ACTR8: variants seen among roughly 807,000 people sequenced by gnomAD.
ACTR8 encodes the protein actin related protein 8, also known as actin-related protein 8.
ACTR8 carries 70 observed loss-of-function variants against 84.3 expected under a neutral mutation model. The observed-to-expected ratio is 0.83, with a 90% CI of 0.68 to 1.01. The LOEUF (loss-of-function observed/expected upper bound fraction) is 1.01. Among genes scored for constraint, ACTR8 ranks in the 50% least tolerant of loss-of-function variants. The probability of loss-of-function intolerance (pLI) is 0.00; values close to 1 mark genes in which losing one functional copy is unlikely to be tolerated. For synonymous variants in ACTR8, 268 were observed against 275.2 expected (o/e 0.97, Z 0.26); for missense variants, 672 against 775.4 (o/e 0.87, Z 1.58).
At position 53,880,056 on chromosome 3, in the gene ACTR8, C is replaced by A. The variant is rs1455479362; in HGVS notation, c.177G>T (p.Arg59Ser). 6.2e-7 allele frequency: 1 copy of A among 1,613,932 alleles called. No individual in the cohort carries two copies. The highest frequency in any genetic ancestry group is 8.5e-7 in the Non-Finnish European group (1 of 1,179,978). The change falls in exon 2 of 13, where the codon AGG becomes AGT. Residue 59 changes from arginine (R) to serine (S), a missense_variant. Arg to Ser is a moderately radical substitution (Grantham distance 110). Transcript: ENST00000335754. The part of the protein sequence containing the change: ...IVIHPGSTTL[R>S]IGRATDTLPA... Reference sequence around the variant, plus strand: ...GAAGAGTGTCTGTGGCTCGACCAATCCTTAAAGTTGTTGAACCTGGATGTA... The same window carrying A: ...GAAGAGTGTCTGTGGCTCGACCAATACTTAAAGTTGTTGAACCTGGATGTA...
At chr3:53,860,536 G>T in the ACTR8 span, 1 of 229,184 alleles carries the variant, frequency 4.4e-6, no homozygotes, top group Non-Finnish European at 8.6e-6. Flanking sequence ...TACCTGTGAT[G>T]GTTACTCTAT....
At position 53,876,085 on chromosome 3, in the gene ACTR8, G is replaced by GA. The variant is rs758047106; in HGVS notation, c.779-6_779-5insT. 1.5e-5 allele frequency: 24 copies of GA among 1,582,598 alleles called. No homozygotes were observed. The highest frequency in any genetic ancestry group is 4.8e-5 in the East Asian group (2 of 42,100). On this transcript the variant is annotated splice_region_variant and splice_polypyrimidine_tract_variant and intron_variant, in intron 6 of 12. Transcript: ENST00000335754. ...ACTCCTGATGGACCACAATCCCTGG[G>GA]GGGGGAAAAGAAAAGGCAGAGTAGT...
chr3:53,863,652 G>T (rs184545753), downstream of ACTR8, among the ~76,000 whole-genome samples: 1 of 152,130 alleles, frequency 6.6e-6, no homozygotes, highest in Admixed American at 6.5e-5. Context: ...GCTGAAAAGG[G>T]GTGCCACTTA....
At chr3:53,859,648 A>T in the ACTR8 span, 1 of 153,166 alleles carries the variant, frequency 6.5e-6, no homozygotes. Context: ...AACCAAAAAA[A>T]CTGGACAGAA....
rs746352779 is a variant in ACTR8 at position 53,870,166 on chromosome 3, C to G, written c.1568-21G>C. 1 of 1,604,824 alleles carries G rather than the reference C, an allele frequency of 6.2e-7. No homozygotes were observed. On this transcript the variant is annotated intron_variant, in intron 11 of 12. Transcript: ENST00000335754. The surrounding 1 kb of genome is among the most constrained non-coding windows in gnomAD (Gnocchi z 4.1). ...AGATGCTGAAAAGACAGTTGACATC[C>G]TCCATGCTTTTTTCTCCACATCCAT... is the stretch of plus-strand genomic sequence containing the variant.
At chr3:53,872,586 C>T (rs1288760842) in intron 9 of ACTR8, 62 bp from the exon 10 acceptor site, 1 of 1,490,746 alleles carries the variant, frequency 6.7e-7, no homozygotes, top group Non-Finnish European at 8.9e-7. Flanking sequence ...AACTGATCCA[C>T]TAAATTCTGT....
At position 53,868,396 on chromosome 3, in the gene ACTR8, ACT is replaced by A. The variant is rs1699828172; in HGVS notation, c.*321_*322del. The A allele has an allele frequency of 4.2e-6, 1 of 237,390 alleles. No individual in the cohort carries two copies. The highest frequency in any genetic ancestry group is 2.3e-5 in the African/African-American group (1 of 44,068). The allele number at this position is 237,390 out of a possible 1,614,324, so 14.7% of individuals were successfully genotyped here. A position where few individuals can be genotyped will look rare whatever the true frequency, so the allele number is the denominator to read the frequency against. ...CTGCCTGCTGATGAGATTCAAGCCA[ACT>A]TAAATGAAGGGCTTCACCACATGAG... On this transcript the variant is annotated 3_prime_UTR_variant, in exon 13 of 13. Coordinates refer to ENST00000335754, the MANE Select transcript of ACTR8 (RefSeq NM_022899.5).
intron 5 of ACTR8, 95 bp downstream of exon 5, chr3:53,877,119 A>T: frequency 8.1e-7 from 1 of 1,241,868 alleles, no homozygotes; most frequent in Non-Finnish European, 1.1e-6. Context: ...AGAATGTTTC[A>T]AGAAGGACAC....
chr3:53,864,218 C>T (rs897840535), downstream of ACTR8, among the ~76,000 whole-genome samples: 2 of 152,192 alleles, frequency 1.3e-5, no homozygotes, highest in Non-Finnish European at 1.5e-5. Context: ...TTAGAAAATA[C>T]TGCTTTTAAA....
At chr3:53,871,119 A>T in intron 11 of ACTR8, 113 bp downstream of exon 11, 1 of 1,411,846 alleles carries the variant, frequency 7.1e-7, no homozygotes, top group Non-Finnish European at 9.6e-7. Flanking sequence ...GTAGGCGCTT[A>T]ATCACTTTTC....
At chr3:53,859,685 G>A in the ACTR8 span, 316 of 153,790 alleles carry the variant, frequency 2.1e-3, 2 homozygotes, top group East Asian at 0.011. Flanking sequence ...TGAAAATGCC[G>A]GTGCATATCA....
chr3:53,882,076 GTAT>G lies in ACTR8; in HGVS notation c.23_25del (p.Asp8_Thr9delinsAla). 6.4e-7 allele frequency: 1 copy of G among 1,551,610 alleles called. No homozygotes were observed. Among genetic ancestry groups the G allele is most frequent in the Non-Finnish European group, 8.7e-7 (1 of 1,146,868 alleles). Reference sequence around the variant, plus strand: ...GCCGCCCTTCTCCTTTCCGTTCTCCGTATCACCCTTCTCAGCCTGGGTCATTAT... The same window carrying G: ...GCCGCCCTTCTCCTTTCCGTTCTCCGCACCCTTCTCAGCCTGGGTCATTAT... On this transcript the variant is annotated inframe_deletion, in exon 1 of 13. Coordinates refer to ENST00000335754, the MANE Select transcript of ACTR8 (RefSeq NM_022899.5).
Position 53,871,521 on chromosome 3 carries a change from T to A in ACTR8, c.1303-25A>T, listed in dbSNP as rs371628766. ...ACTTTAAATCAAAAGGACAATCAAG[T>A]ATGTGGTATTACAACAACAGAACAC... On this transcript the variant is annotated intron_variant, in intron 10 of 12. Transcript: ENST00000335754. 1.9e-6 allele frequency: 3 copies of A among 1,611,692 alleles called. No individual in the cohort carries two copies. The Admixed American group carries it at 5.0e-5, about 27-fold the overall frequency.
rs1489340124 is a variant in ACTR8 at position 53,870,381 on chromosome 3, G to A, written c.1568-236C>T. 4 of 516,028 alleles carry A rather than the reference G, an allele frequency of 7.8e-6. No homozygotes were observed. Among genetic ancestry groups the A allele is most frequent in the South Asian group, 2.5e-5 (1 of 40,030 alleles). 32.0% of individuals were successfully genotyped at this position (516,028 alleles called of 1,614,324 possible). ...AAAATCTTTAAAGGAGGCCGAGCAT[G>A]GTGGCTCACGCCTGTAATCCCAGCA... is the stretch of plus-strand genomic sequence containing the variant. On this transcript the variant is annotated intron_variant, in intron 11 of 12. Coordinates refer to ENST00000335754, the MANE Select transcript of ACTR8 (RefSeq NM_022899.5). The surrounding 1 kb of genome is among the most constrained non-coding windows in gnomAD (Gnocchi z 4.1).
the ACTR8 span, chr3:53,859,091 T>C: frequency 3.1e-6 from 1 of 321,628 alleles, no homozygotes; most frequent in Non-Finnish European, 5.7e-6. Flanking sequence ...ATGGATGTTC[T>C]GAGTGCCACA....
rs772258118 is a variant in ACTR8 at position 53,868,865 on chromosome 3, A to G, written c.1732-3T>C. The G allele has an allele frequency of 6.2e-7, 1 of 1,613,596 alleles. No individual in the cohort carries two copies. Among genetic ancestry groups the G allele is most frequent in the Admixed American group, 1.7e-5 (1 of 59,906 alleles). On this transcript the variant is annotated splice_region_variant and splice_polypyrimidine_tract_variant and intron_variant, in intron 12 of 12. Transcript: ENST00000335754. ...GCAATCAGCCGGGGGTCCATGTCCT[A>G]CAGAAGGGATGAAGGCATTTCAGCC...
chr3:53,876,681 G>T lies in ACTR8; in HGVS notation c.717C>A (p.Ile239=). 6.4e-7 allele frequency: 1 copy of T among 1,561,918 alleles called. No homozygotes were observed. The highest frequency in any genetic ancestry group is 8.8e-7 in the Non-Finnish European group (1 of 1,142,190). ...GTTCTTTCACATGCTGCTTATTATA[G>T]ATATCAGGAATTAACAAGATACATC... ...YYRCILLIPD[I]YNKQHVKELV... is the part of the protein sequence containing the mutation. Residue 239 remains isoleucine (I), a synonymous_variant, in exon 6 of 13, where the codon ATC becomes ATA. Transcript: ENST00000335754.
intron 9 of ACTR8, 57 bp from the exon 10 acceptor site, chr3:53,872,581 A>T (rs1699900990): frequency 1.3e-6 from 2 of 1,499,164 alleles, no homozygotes; most frequent in South Asian, 1.4e-5. Context: ...AAAAAAACTG[A>T]TCCACTAAAT....
Position 53,878,233 on chromosome 3 carries a change from G to GAGA in ACTR8, c.405+123_405+124insTCT, listed in dbSNP as rs1243514510. ...CGGGTATTCTTTAAGTGGTTATGAG[G>GAGA]GGTTTTCTTCCTTTTTAAGGAACTC... On this transcript the variant is annotated intron_variant, in intron 3 of 12. Coordinates refer to ENST00000335754, the MANE Select transcript of ACTR8 (RefSeq NM_022899.5). 37 of 775,810 alleles carry GAGA rather than the reference G, an allele frequency of 4.8e-5. No homozygotes were observed. In the African/African-American group the frequency reaches 6.4e-4, roughly 13 times the overall value. The allele number at this position is 775,810 out of a possible 1,614,324, so 48.1% of individuals were successfully genotyped here.
Sources: allele counts gnomAD v4.1 joint callset (sites outside exome capture counted in the v4.1 genomes callset), GRCh38; gene constraint gnomAD v4.1.1; non-coding constraint Gnocchi (gnomAD v3.1); transcripts MANE v1.5; gene names NCBI Gene and HGNC (gene_info 2026-07-23, HGNC 2026-07-21).